The following ASIP variants were observed in gnomAD, a reference collection of about 807,000 sequenced individuals.
ASIP encodes agouti-signaling protein.
ASIP carries 11 observed loss-of-function variants against 10.3 expected under a neutral mutation model. The observed-to-expected ratio is 1.07, with a 90% confidence interval of 0.68 to 1.78. The LOEUF (loss-of-function observed/expected upper bound fraction) is 1.78, where lower values mean the gene tolerates loss of function less well. Among genes scored for constraint, ASIP ranks in the 40% most tolerant of loss-of-function variants. The probability of loss-of-function intolerance (pLI) is 0.00; values close to 1 mark genes in which losing one functional copy is unlikely to be tolerated. For synonymous variants in ASIP, 70 were observed against 70.8 expected (o/e 0.99, Z 0.06); for missense variants, 180 against 169.2 (o/e 1.06, Z -0.35).
intron 1 of ASIP, among the ~76,000 whole-genome samples, chr20:34,260,109 C>T (rs1006638812): frequency 6.6e-5 from 10 of 151,948 alleles, no homozygotes; most frequent in African/African-American, 2.4e-4. Flanking sequence ...GAGACCAGTG[C>T]AATGCATTGC....
intron 1 of ASIP, among the ~76,000 whole-genome samples, chr20:34,205,339 A>G (rs1298467401): frequency 6.6e-6 from 1 of 151,908 alleles, no homozygotes; most frequent in Non-Finnish European, 1.5e-5. Context: ...TGGCTTCAGG[A>G]GTGAAGCTGC....
intron 1 of ASIP, among the ~76,000 whole-genome samples, chr20:34,209,194 C>CA (rs1161144749): frequency 4.6e-5 from 7 of 152,228 alleles, no homozygotes; most frequent in Admixed American, 1.3e-4. Context: ...TCCAGCTGCA[C>CA]ATTGCACAGA....
At chr20:34,214,454 A>G in intron 1 of ASIP, 2 of 1,513,290 alleles carry the variant, frequency 1.3e-6, no homozygotes, top group South Asian at 2.2e-5. Flanking sequence ...TTGAAACATC[A>G]CCTGAGAAGT....
chr20:34,186,724 T>C, the ASIP span, among the ~76,000 whole-genome samples: 1 of 152,194 alleles, frequency 6.6e-6, no homozygotes, highest in Non-Finnish European at 1.5e-5. Context: ...TGGTAAGAAT[T>C]CTCTAGACAG....
chr20:34,263,854 A>G (rs2035739229), intron 3 of ASIP, among the ~76,000 whole-genome samples: 1 of 151,814 alleles, frequency 6.6e-6, no homozygotes. Context: ...TATTTTTAGT[A>G]GAGATGGGGT....
chr20:34,200,022 A>G (rs990408170), intron 1 of ASIP, among the ~76,000 whole-genome samples: 8 of 152,148 alleles, frequency 5.3e-5, no homozygotes, highest in Admixed American at 3.3e-4. Context: ...TCTTTAATAT[A>G]TATTGTTATT....
At chr20:34,208,818 G>A (rs2034954358) in intron 1 of ASIP, among the ~76,000 whole-genome samples, 1 of 152,148 alleles carries the variant, frequency 6.6e-6, no homozygotes, top group African/African-American at 2.4e-5. Context: ...AGTTTTCATT[G>A]TAGAGATCTT....
rs77609064 is a variant in ASIP, at chr20:34,205,528, G to A, written c.-11+10768G>A. Among the ~76,000 whole-genome samples the A allele has an allele frequency of 3.8e-3, 581 of 151,448 alleles. 5 individuals carry two copies. The highest frequency in any genetic ancestry group is 0.014 in the African/African-American group (557 of 40,822). Reference sequence around the variant, plus strand: ...GGTGAGCAGCAGCAAGATTTATTGCGAAGAGCGAAAGAACAAAGCTTCCAC... The same window carrying A: ...GGTGAGCAGCAGCAAGATTTATTGCAAAGAGCGAAAGAACAAAGCTTCCAC... On this transcript the variant is annotated intron_variant, in intron 1 of 3. Transcript: ENST00000568305.
At chr20:34,257,064 C>CTCTTTTTTTTTTT (rs1568767637) in intron 1 of ASIP, among the ~76,000 whole-genome samples, 6 of 125,680 alleles carry the variant, frequency 4.8e-5, no homozygotes, top group African/African-American at 1.4e-4. Context: ...CTCTCTCTTT[C>CTCTTTTTTTTTTT]TTTCTCTTTT....
chr20:34,241,537 G>T, intron 1 of ASIP, 48 bp downstream of exon 1: 52 of 985,338 alleles, frequency 5.3e-5, no homozygotes, highest in Non-Finnish European at 6.3e-5. Context: ...TGAAGCTGCT[G>T]CTACTTTGGA....
intron 1 of ASIP, among the ~76,000 whole-genome samples, chr20:34,221,365 G>A (rs559585255): frequency 2.2e-3 from 338 of 151,840 alleles, no homozygotes; most frequent in Non-Finnish European, 3.2e-3. Context: ...GCGACAGAGC[G>A]AGACTCTGTC....
chr20:34,257,970 C>T (rs1031626874), intron 1 of ASIP, among the ~76,000 whole-genome samples: 1 of 152,068 alleles, frequency 6.6e-6, no homozygotes, highest in Admixed American at 6.6e-5. Flanking sequence ...ATGGTGAAAC[C>T]TTGTCTCTAC....
upstream of ASIP, among the ~76,000 whole-genome samples, chr20:34,190,651 C>A (rs1005399679): frequency 1.3e-5 from 2 of 152,188 alleles, no homozygotes; most frequent in African/African-American, 4.8e-5. Context: ...CCTCTTCCTT[C>A]GGAATTCTGT....
Position 34,258,698 on chromosome 20 carries a change from A to ATATATATATATATATAC in ASIP, c.-10-1656_-10-1655insATATACTATATATATAT, listed in dbSNP as rs1568768756. ...CCATATATATATATATATACATACTATATATATATATTATATATATTATAA... is the reference window on the plus strand; with the variant it reads ...CCATATATATATATATATACATACTATATATATATATATATACTATATATATATTATATATATTATAA... On this transcript the variant is annotated intron_variant, in intron 1 of 3. Transcript: ENST00000374954. 1.8e-4 allele frequency among the ~76,000 whole-genome samples: 11 copies of ATATATATATATATATAC among 62,042 alleles called. 1 individual carries two copies. Among genetic ancestry groups the ATATATATATATATATAC allele is most frequent in the African/African-American group, 9.7e-4 (11 of 11,356 alleles). The allele number at this position is 62,042 out of a possible 152,430, so 40.7% of individuals were successfully genotyped here.
chr20:34,244,925 G>A (rs2122614326), intron 1 of ASIP, among the ~76,000 whole-genome samples: 1 of 152,248 alleles, frequency 6.6e-6, no homozygotes, highest in Admixed American at 6.5e-5. Context: ...CGTATTACTG[G>A]TTAGGAAGCC....
chr20:34,245,894 C>T (rs948823785), intron 1 of ASIP: 13 of 1,349,832 alleles, frequency 9.6e-6, no homozygotes, highest in Non-Finnish European at 1.2e-5. Context: ...AAAGGCCTCT[C>T]TCCCTTTGGC....
At chr20:34,213,823 A>G (rs774388727) in intron 1 of ASIP, 253 of 1,522,164 alleles carry the variant, frequency 1.7e-4, no homozygotes, top group Non-Finnish European at 2.2e-4. Flanking sequence ...TAAACAGTCC[A>G]GATAAACTTC....
chr20:34,201,038 T>C (rs1482689566), intron 1 of ASIP, among the ~76,000 whole-genome samples: 1 of 112,624 alleles, frequency 8.9e-6, no homozygotes, highest in African/African-American at 3.7e-5. Flanking sequence ...CTTTCTTTCT[T>C]TCTTTCTTTC....
At chr20:34,222,670 G>C (rs1053354267) in intron 1 of ASIP, among the ~76,000 whole-genome samples, 1 of 151,866 alleles carries the variant, frequency 6.6e-6, no homozygotes, top group African/African-American at 2.4e-5. Context: ...CTCTCCCCAC[G>C]GTCTCCCTCT....
Sources: gnomAD v4.1 joint callset for allele counts (sites outside exome capture counted in the v4.1 genomes callset) on GRCh38, gnomAD v4.1.1 for gene constraint, MANE v1.5 for transcripts, NCBI Gene and HGNC (gene_info 2026-07-23, HGNC 2026-07-21) for gene names.